Variants in CLSTN1 observed in about 807,000 individuals in gnomAD.
CLSTN1 encodes calsyntenin 1, also known as calsyntenin-1.
A neutral mutation model predicts 108.3 loss-of-function variants in CLSTN1; 28 were observed. That is an observed-to-expected ratio of 0.26 (90% confidence interval 0.19 to 0.35). CLSTN1 has a LOEUF of 0.35. Among genes scored for constraint, CLSTN1 ranks in the 10% least tolerant of loss-of-function variants. CLSTN1 has a pLI of 1.00. For synonymous variants in CLSTN1, 524 were observed against 534.9 expected (o/e 0.98, Z 0.28); for missense variants, 1,157 against 1,302.6 (o/e 0.89, Z 1.72).
intron 1 of CLSTN1, among the ~76,000 whole-genome samples, chr1:9,801,646 C>G (rs375057818): frequency 3.3e-5 from 5 of 152,176 alleles, no homozygotes; most frequent in African/African-American, 1.2e-4. Context: ...CCTCTGCCTT[C>G]TGGGTTCAAG....
In CLSTN1 at chr1:9,760,075, T is replaced by C. The variant is rs181058769; in HGVS notation, c.215-3565A>G. Reference sequence around the variant, plus strand: ...TAAGTGCAGATTTCCTGCTTGTTGGTTGGTTGTTTTAGAGACAGGGTTTCC... The same window carrying C: ...TAAGTGCAGATTTCCTGCTTGTTGGCTGGTTGTTTTAGAGACAGGGTTTCC... On this transcript the variant is annotated intron_variant, in intron 2 of 18. Coordinates refer to ENST00000377298, the MANE Select transcript of CLSTN1 (RefSeq NM_001009566.3). Among the ~76,000 whole-genome samples, 157 of 152,256 alleles carry C rather than the reference T, an allele frequency of 1.0e-3. 1 individual carries two copies. Among genetic ancestry groups the C allele is most frequent in the Admixed American group, 3.7e-3 (56 of 15,294 alleles).
At chr1:9,754,985 C>T in intron 4 of CLSTN1, 129 bp downstream of exon 4, 2 of 670,098 alleles carry the variant, frequency 3.0e-6, no homozygotes, top group Non-Finnish European at 5.1e-6. Context: ...TAATTGTAGA[C>T]ACTTGAGAAC....
Position 9,735,869 on chromosome 1 carries a change from G to A in CLSTN1, c.1734+16C>T, listed in dbSNP as rs368977689. On this transcript the variant is annotated intron_variant, in intron 12 of 18. Coordinates refer to ENST00000377298, the MANE Select transcript of CLSTN1 (RefSeq NM_001009566.3). Reference sequence around the variant, plus strand: ...AGGGGCCCATGAGTGGTGTGCAGTCGAGCGCTCGGTGTTACCTGCACGCCT... The same window carrying A: ...AGGGGCCCATGAGTGGTGTGCAGTCAAGCGCTCGGTGTTACCTGCACGCCT... 11 of 1,613,656 alleles carry A rather than the reference G, an allele frequency of 6.8e-6. No individual in the cohort carries two copies. Among genetic ancestry groups the A allele is most frequent in the African/African-American group, 6.7e-5 (5 of 75,002 alleles).
At chr1:9,808,074 G>A (rs1309278242) in intron 1 of CLSTN1, among the ~76,000 whole-genome samples, 4 of 152,228 alleles carry the variant, frequency 2.6e-5, no homozygotes, top group Non-Finnish European at 4.4e-5. Context: ...CAGAATGACA[G>A]CAGTCCCTCT....
chr1:9,737,865 T>C (rs1052108140), intron 10 of CLSTN1, among the ~76,000 whole-genome samples: 2 of 152,080 alleles, frequency 1.3e-5, no homozygotes, highest in Admixed American at 6.6e-5. Context: ...CCCTCCCCAA[T>C]CCGTGCTATG....
intron 5 of CLSTN1, chr1:9,750,308 C>G (rs1651492575): frequency 1.1e-5 from 2 of 184,226 alleles, no homozygotes; most frequent in Non-Finnish European, 1.2e-5. Flanking sequence ...TTCCTACCCC[C>G]ACCTGCTTAG....
At chr1:9,809,869 C>G (rs766644608) in intron 1 of CLSTN1, among the ~76,000 whole-genome samples, 1 of 150,720 alleles carries the variant, frequency 6.6e-6, no homozygotes, top group Non-Finnish European at 1.5e-5. Context: ...CCACCGCACT[C>G]TAGCCTGAGG....
intron 2 of CLSTN1, among the ~76,000 whole-genome samples, chr1:9,768,911 G>C (rs1444475134): frequency 6.9e-6 from 1 of 145,062 alleles, no homozygotes; most frequent in Non-Finnish European, 1.5e-5. Flanking sequence ...AAGCAACACA[G>C]GGAGAAAGTA....
chr1:9,788,805 T>C (rs1653619779), intron 1 of CLSTN1, among the ~76,000 whole-genome samples: 1 of 146,418 alleles, frequency 6.8e-6, no homozygotes, highest in African/African-American at 2.5e-5. Flanking sequence ...GAGGCGGAGC[T>C]TGCAGTGAGC....
At position 9,731,634 on chromosome 1, in the gene CLSTN1, G is replaced by C. The variant is rs1414436336; in HGVS notation, c.2563+127C>G. 6 of 1,023,490 alleles carry C rather than the reference G, an allele frequency of 5.9e-6. No individual in the cohort carries two copies. The African/African-American group carries it at 7.9e-5, about 13-fold the overall frequency. The allele number at this position is 1,023,490 out of a possible 1,614,324, so 63.4% of individuals were successfully genotyped here. A position where few individuals can be genotyped will look rare whatever the true frequency, so the allele number is the denominator to read the frequency against. On this transcript the variant is annotated intron_variant, in intron 17 of 18. Transcript: ENST00000377298. The stretch of plus-strand genomic sequence containing the variant: ...CGAGGGCTTTAGTTTCCTTGTGTGT[G>C]ATGGGGAATAATTGGGACAGGGAAA...
intron 5 of CLSTN1, 30 bp from the exon 6 acceptor site, chr1:9,749,943 C>T (rs750484683): frequency 9.4e-6 from 15 of 1,601,150 alleles, no homozygotes; most frequent in Middle Eastern, 3.3e-4. Flanking sequence ...ACAGTGAGAG[C>T]CAAAACCCAT....
At chr1:9,737,449 C>T in intron 11 of CLSTN1, 49 bp downstream of exon 11, 1 of 1,541,384 alleles carries the variant, frequency 6.5e-7, no homozygotes, top group African/African-American at 1.4e-5. Flanking sequence ...GAATCAGTCT[C>T]ATCTTTAAAT....
At chr1:9,741,717 G>C (rs1650993070) in intron 9 of CLSTN1, among the ~76,000 whole-genome samples, 1 of 152,208 alleles carries the variant, frequency 6.6e-6, no homozygotes, top group Non-Finnish European at 1.5e-5. Flanking sequence ...TTTGAGACCA[G>C]CCTGGCCAAC....
intron 7 of CLSTN1, among the ~76,000 whole-genome samples, chr1:9,748,231 T>C (rs1394018864): frequency 6.6e-6 from 1 of 152,168 alleles, no homozygotes; most frequent in East Asian, 1.9e-4. Context: ...GTCAACTAAA[T>C]GTTCTTCCCT....
chr1:9,764,099 A>G (rs1351325352), intron 2 of CLSTN1, among the ~76,000 whole-genome samples: 1 of 148,908 alleles, frequency 6.7e-6, no homozygotes, highest in Non-Finnish European at 1.5e-5. Context: ...ATGGTGAGGG[A>G]GAAAGAAAGA....
chr1:9,747,176 CAAAAAAAAAAAAAAA>C (rs70998306), intron 7 of CLSTN1, among the ~76,000 whole-genome samples: 7 of 32,724 alleles, frequency 2.1e-4, no homozygotes, highest in Non-Finnish European at 4.3e-4. Flanking sequence ...GAGACTGTCT[CAAAAAAAAAAAAAAA>C]AAAAAAAAAA....
At chr1:9,798,802 A>C (rs1570507687) in intron 1 of CLSTN1, among the ~76,000 whole-genome samples, 1 of 152,296 alleles carries the variant, frequency 6.6e-6, no homozygotes, top group East Asian at 1.9e-4. Flanking sequence ...ATAACAAGTA[A>C]AAAAGCCAAA....
At chr1:9,801,828 T>TTACAGGCGTGAGCCAC (rs1182364609) in intron 1 of CLSTN1, among the ~76,000 whole-genome samples, 2 of 152,176 alleles carry the variant, frequency 1.3e-5, no homozygotes, top group African/African-American at 2.4e-5. Context: ...AGTGCTGGGA[T>TTACAGGCGTGAGCCAC]TACAGGCGTG....
chr1:9,733,330 A>G, intron 16 of CLSTN1, 71 bp downstream of exon 16: 1 of 1,577,266 alleles, frequency 6.3e-7, no homozygotes, highest in Non-Finnish European at 8.7e-7. Flanking sequence ...GTTTGTGAAT[A>G]TTAGGGCTGC....
Sources: allele counts gnomAD v4.1 joint callset (sites outside exome capture counted in the v4.1 genomes callset), GRCh38; gene constraint gnomAD v4.1.1; transcripts MANE v1.5; gene names NCBI Gene and HGNC (gene_info 2026-07-23, HGNC 2026-07-21).